Variants in COL24A1 observed in about 807,000 individuals in gnomAD.
COL24A1 encodes collagen alpha-1(XXIV) chain.
COL24A1 carries 224 observed loss-of-function variants against 253.9 expected under a neutral mutation model. The ratio of observed to expected loss-of-function variants is 0.88; its 90% CI spans 0.79 to 0.99. The LOEUF is 0.99. COL24A1 is among the 50% of genes least tolerant of loss of function. The pLI is 0.00. For synonymous variants in COL24A1, 685 were observed against 673.7 expected, an observed-to-expected ratio of 1.02 and a Z score of -0.26; for missense variants, 2,131 against 2,068.5, an observed-to-expected ratio of 1.03 and a Z score of -0.59.
intron 39 of COL24A1, among the ~76,000 whole-genome samples, chr1:85,846,038 A>G (rs1032745043): frequency 1.3e-5 from 2 of 151,828 alleles, no homozygotes; most frequent in African/African-American, 4.8e-5. Flanking sequence ...CCAGAAATAG[A>G]CTACTAGATT....
At chr1:86,078,470 GA>G (rs921224628) in intron 7 of COL24A1, among the ~76,000 whole-genome samples, 3 of 151,302 alleles carry the variant, frequency 2.0e-5, no homozygotes, top group African/African-American at 4.9e-5. Context: ...TCAGACAACA[GA>G]AAAAAAATAA....
chr1:85,769,006 TTCAA>T (rs58906479), intron 53 of COL24A1, among the ~76,000 whole-genome samples: 137,400 of 152,186 alleles, frequency 0.9, 62,589 homozygotes, highest in Non-Finnish European at 0.96. Context: ...ATTCAATAAA[TTCAA>T]ACAATTCAAT....
intron 24 of COL24A1, among the ~76,000 whole-genome samples, chr1:85,924,078 G>C (rs1686886991): frequency 6.6e-6 from 1 of 152,134 alleles, no homozygotes; most frequent in Admixed American, 6.5e-5. Flanking sequence ...AGAAGAAATT[G>C]ATAAATTCCT....
intron 53 of COL24A1, among the ~76,000 whole-genome samples, chr1:85,767,409 A>G (rs17128257): frequency 0.12 from 18,996 of 152,178 alleles, 1,350 homozygotes; most frequent in East Asian, 0.22. Context: ...TGAAAAGTGT[A>G]AGAAATGTTA....
At chr1:85,823,829 T>C (rs1258758113) in intron 43 of COL24A1, 91 bp from the exon 44 acceptor site, 18 of 1,155,478 alleles carry the variant, frequency 1.6e-5, no homozygotes. Context: ...TAGCAAAGTG[T>C]TGCAAAGCTC....
intron 7 of COL24A1, among the ~76,000 whole-genome samples, chr1:86,076,395 A>G (rs934565347): frequency 6.6e-6 from 1 of 152,212 alleles, no homozygotes; most frequent in African/African-American, 2.4e-5. Flanking sequence ...AAGAGACAAC[A>G]CAAACAAATG....
At chr1:86,038,677 C>T (rs560109795) in intron 12 of COL24A1, among the ~76,000 whole-genome samples, 74 of 152,230 alleles carry the variant, frequency 4.9e-4, no homozygotes, top group African/African-American at 1.7e-3. Context: ...AAAGATACTA[C>T]AGCTATCACC....
At chr1:85,986,324 G>C (rs948932303) in intron 20 of COL24A1, among the ~76,000 whole-genome samples, 4 of 151,478 alleles carry the variant, frequency 2.6e-5, no homozygotes, top group African/African-American at 9.7e-5. Flanking sequence ...ATTATTTATT[G>C]CCTAGTTTTC....
At chr1:85,914,672 T>C (rs1273266815) in intron 24 of COL24A1, among the ~76,000 whole-genome samples, 1 of 152,202 alleles carries the variant, frequency 6.6e-6, no homozygotes. Context: ...ATTACAGGTG[T>C]AAGCCACTGC....
rs532896766 is a variant in COL24A1, at chr1:85,920,923, G to A, written c.2563-9490C>T. On this transcript the variant is annotated intron_variant, in intron 24 of 59. Transcript: ENST00000370571. ...TCTAATGAAGATTCATTGGAGGCAA[G>A]AGGTAGAAAAAAAAAAACAAAAACA... 4.2e-5 allele frequency among the ~76,000 whole-genome samples: 6 copies of A among 143,152 alleles called. No homozygotes were observed. The South Asian group carries it at 1.3e-3, about 31-fold the overall frequency. 93.9% of individuals were successfully genotyped at this position (143,152 alleles called of 152,430 possible).
At chr1:85,841,935 C>T in intron 41 of COL24A1, 133 bp downstream of exon 41, 4 of 642,472 alleles carry the variant, frequency 6.2e-6, no homozygotes, top group African/African-American at 1.8e-5. Context: ...TTTTTTTCTT[C>T]CAGAATTAGT....
intron 47 of COL24A1, among the ~76,000 whole-genome samples, chr1:85,798,878 A>G (rs1299260609): frequency 6.6e-6 from 1 of 152,218 alleles, no homozygotes; most frequent in Non-Finnish European, 1.5e-5. Context: ...TATTAGTTAC[A>G]GCAATAAAAA....
chr1:85,781,404 T>C (rs571607934), intron 51 of COL24A1, 131 bp from the exon 52 acceptor site: 7 of 536,668 alleles, frequency 1.3e-5, no homozygotes, highest in African/African-American at 9.7e-5. Context: ...AAGCTTACAG[T>C]ATTAGCATAA....
At chr1:85,781,334 C>A in intron 51 of COL24A1, 61 bp from the exon 52 acceptor site, 30 of 1,102,674 alleles carry the variant, frequency 2.7e-5, no homozygotes, top group Non-Finnish European at 3.8e-5. Context: ...AAAAACTCCA[C>A]AGAATCTCTT....
chr1:85,937,483 C>T, intron 24 of COL24A1, among the ~76,000 whole-genome samples: 1 of 147,472 alleles, frequency 6.8e-6, no homozygotes, highest in East Asian at 2.1e-4. Flanking sequence ...TATCACATGT[C>T]AATATTTACC....
intron 24 of COL24A1, among the ~76,000 whole-genome samples, chr1:85,948,352 G>A (rs1036462555): frequency 2.0e-5 from 3 of 151,034 alleles, no homozygotes; most frequent in South Asian, 2.1e-4. Flanking sequence ...GTGAAACCCC[G>A]TCTCTACTAA....
At chr1:85,971,541 A>T (rs1411107473) in intron 20 of COL24A1, 148 bp from the exon 21 acceptor site, 1 of 617,800 alleles carries the variant, frequency 1.6e-6, no homozygotes, top group Non-Finnish European at 2.8e-6. Context: ...GTATGGGCAA[A>T]CAGAAAACTA....
intron 43 of COL24A1, 88 bp from the exon 44 acceptor site, chr1:85,823,826 G>A: frequency 8.4e-7 from 1 of 1,185,044 alleles, no homozygotes; most frequent in Non-Finnish European, 1.2e-6. Context: ...TGGTAGCAAA[G>A]TGTTGCAAAG....
At chr1:85,923,489 T>C (rs1019878718) in intron 24 of COL24A1, among the ~76,000 whole-genome samples, 2 of 152,108 alleles carry the variant, frequency 1.3e-5, no homozygotes, top group African/African-American at 4.8e-5. Flanking sequence ...CACAGTGCAA[T>C]CAAATTAGAA....
Sources: gnomAD v4.1 joint callset for allele counts (sites outside exome capture counted in the v4.1 genomes callset) on GRCh38, gnomAD v4.1.1 for gene constraint, MANE v1.5 for transcripts, NCBI Gene and HGNC (gene_info 2026-07-23, HGNC 2026-07-21) for gene names.